Variants in NCAPD3 observed in about 807,000 individuals in gnomAD.
The protein encoded by NCAPD3 is condensin-2 complex subunit D3.
A neutral mutation model predicts 182.9 loss-of-function variants in NCAPD3; 105 were observed. The observed-to-expected ratio is 0.57, with a 90% CI of 0.49 to 0.68. The LOEUF (loss-of-function observed/expected upper bound fraction) is 0.68, where lower values mean the gene tolerates loss of function less well. NCAPD3 is among the 30% of genes least tolerant of loss of function. The pLI is 0.00. For missense variants in NCAPD3, 1,944 were observed against 1,837.0 expected (o/e 1.06, Z -1.07); for synonymous variants, 815 against 679.9 (o/e 1.20, Z -3.09).
intron 14 of NCAPD3, 62 bp downstream of exon 14, chr11:134,194,603 A>T: frequency 8.3e-7 from 1 of 1,211,126 alleles, no homozygotes; most frequent in Non-Finnish European, 1.2e-6. Context: ...TTTAAAAAAT[A>T]TTCCTTTGCA....
intron 19 of NCAPD3, among the ~76,000 whole-genome samples, chr11:134,183,333 C>T (rs1487566017): frequency 6.6e-6 from 1 of 152,320 alleles, no homozygotes; most frequent in East Asian, 1.9e-4. Flanking sequence ...CTTTGGGAGG[C>T]TGAAGCAGGC....
chr11:134,159,812 G>A lies in NCAPD3; in HGVS notation c.3867+80C>T, dbSNP rs1055144554. On this transcript the variant is annotated intron_variant, in intron 29 of 34. Transcript: ENST00000534548. ...TAACCTCTGATGACGGAGATCTTGA[G>A]AGGTGCCAGACAAACGACAGACTGG... 7.7e-6 allele frequency: 11 copies of A among 1,428,594 alleles called. No individual in the cohort carries two copies. In the Admixed American group the frequency reaches 2.2e-4, roughly 28 times the overall value. 88.5% of individuals were successfully genotyped at this position (1,428,594 alleles called of 1,614,324 possible). A position where few individuals can be genotyped will look rare whatever the true frequency, so the allele number is the denominator to read the frequency against.
Position 134,159,912 on chromosome 11 carries a change from C to G in NCAPD3, c.3847G>C (p.Glu1283Gln), listed in dbSNP as rs563104931. The G allele has an allele frequency of 1.9e-6, 3 of 1,613,206 alleles. No individual in the cohort carries two copies. In the South Asian group the frequency reaches 3.3e-5, roughly 18 times the overall value. ...CCTACCTGTGCCACAGGTGCCACCT[C>G]AGCACCTCCAGCCGTCCCGGCCACA... is the stretch of plus-strand genomic sequence containing the variant. Reference protein sequence around the residue: ...ADVAGTAGGAEVAPVAQVALC... With the variant: ...ADVAGTAGGAQVAPVAQVALC... Residue 1283 changes from glutamate (E) to glutamine (Q), a missense_variant, in exon 29 of 35, where the codon GAG becomes CAG. Coordinates refer to ENST00000534548, the MANE Select transcript of NCAPD3 (RefSeq NM_015261.3).
At chr11:134,224,217 C>G, upstream of NCAPD3, 1 of 536,162 alleles carries the variant, frequency 1.9e-6, no homozygotes, top group Non-Finnish European at 3.3e-6. Context: ...TTTTTCCCGC[C>G]TCGTTTTTCT....
chr11:134,152,718 G>T lies in NCAPD3; in HGVS notation c.*226C>A, dbSNP rs1943287088. 2.2e-6 allele frequency: 1 copy of T among 450,638 alleles called. No homozygotes were observed. The allele number at this position is 450,638 out of a possible 1,614,324, so 27.9% of individuals were successfully genotyped here. ...AAGTTACAATATTAAACAGATTAGG[G>T]TAAGAAAATCTAAATCTGGCACATC... On this transcript the variant is annotated 3_prime_UTR_variant, in exon 35 of 35. Coordinates refer to ENST00000534548, the MANE Select transcript of NCAPD3 (RefSeq NM_015261.3).
At chr11:134,178,539 C>A in intron 22 of NCAPD3, 95 bp downstream of exon 22, 1 of 964,766 alleles carries the variant, frequency 1.0e-6, no homozygotes, top group South Asian at 2.0e-5. Flanking sequence ...CAGACAGGCT[C>A]CGCAGCCCCT....
In NCAPD3 at chr11:134,178,651, T is replaced by C. The variant is rs1223821347; in HGVS notation, c.2765A>G (p.His922Arg). Reference protein sequence around the residue: ...GSVMPSVIRAHAIITLGKLCL... With the variant: ...GSVMPSVIRARAIITLGKLCL... ...TTTCTTACCTAAGGTAATGATGGCATGTGCTCTAATCACAGAGGGCATGAC... is the reference window on the plus strand; with the variant it reads ...TTTCTTACCTAAGGTAATGATGGCACGTGCTCTAATCACAGAGGGCATGAC... Residue 922 changes from histidine to arginine, a missense_variant, in exon 22 of 35, where the codon CAT becomes CGT. His to Arg is a conservative substitution (Grantham distance 29). Around this residue, in one of 3 missense-constraint regions of NCAPD3, gnomAD observed 1,803 missense variants for 1,674.6 expected, o/e 1.08. Coordinates refer to ENST00000534548, the MANE Select transcript of NCAPD3 (RefSeq NM_015261.3). The C allele has an allele frequency of 1.3e-6, 2 of 1,564,226 alleles. No individual in the cohort carries two copies. The highest frequency in any genetic ancestry group is 1.7e-6 in the Non-Finnish European group (2 of 1,153,860).
At chr11:134,199,365 G>T (rs1024974588) in intron 13 of NCAPD3, among the ~76,000 whole-genome samples, 2 of 151,936 alleles carry the variant, frequency 1.3e-5, no homozygotes, top group African/African-American at 4.8e-5. Context: ...CTTTACACAC[G>T]GGGTCTCTGG....
chr11:134,174,382 CAA>C lies in NCAPD3; in HGVS notation c.3101+1923_3101+1924del, dbSNP rs34533048. Among the ~76,000 whole-genome samples, 102 of 53,606 alleles carry C rather than the reference CAA, an allele frequency of 1.9e-3. 1 individual carries two copies. The highest frequency in any genetic ancestry group is 0.021 in the Middle Eastern group (1 of 48). The allele number at this position is 53,606 out of a possible 152,430, so 35.2% of individuals were successfully genotyped here. A position where few individuals can be genotyped will look rare whatever the true frequency, so the allele number is the denominator to read the frequency against. Reference sequence around the variant, plus strand: ...TGAGCAACAGAATGAGACCCTGTCTCAAAAAAAAAAAAAAAAAAAAAAAAGCA... The same window carrying C: ...TGAGCAACAGAATGAGACCCTGTCTCAAAAAAAAAAAAAAAAAAAAAAGCA... On this transcript the variant is annotated intron_variant, in intron 24 of 34. Coordinates refer to ENST00000534548, the MANE Select transcript of NCAPD3 (RefSeq NM_015261.3).
At chr11:134,211,854 A>G (rs2136022636) in intron 3 of NCAPD3, among the ~76,000 whole-genome samples, 1 of 152,308 alleles carries the variant, frequency 6.6e-6, no homozygotes, top group Middle Eastern at 3.4e-3. Flanking sequence ...ATAAAGACTC[A>G]GTGACCCATG....
chr11:134,224,150 G>C, upstream of NCAPD3: 1 of 605,004 alleles, frequency 1.7e-6, no homozygotes, highest in Non-Finnish European at 2.9e-6. Flanking sequence ...GGCTCCTGCG[G>C]GTGTTCCGCT....
intron 20 of NCAPD3, among the ~76,000 whole-genome samples, chr11:134,179,166 T>A (rs1048836284): frequency 6.6e-6 from 1 of 152,168 alleles, no homozygotes; most frequent in African/African-American, 2.4e-5. Flanking sequence ...TCTAGACACA[T>A]CTGCAAGTAA....
intron 27 of NCAPD3, among the ~76,000 whole-genome samples, chr11:134,166,760 CGTG>C (rs1943823632): frequency 1.0e-5 from 1 of 97,116 alleles, no homozygotes; most frequent in African/African-American, 4.4e-5. Flanking sequence ...GGCGCACACT[CGTG>C]AGATGAGCTT....
chr11:134,186,611 TGAA>T (rs1011879768), intron 16 of NCAPD3, among the ~76,000 whole-genome samples: 3 of 152,232 alleles, frequency 2.0e-5, no homozygotes, highest in African/African-American at 7.2e-5. Flanking sequence ...TATATTTAAA[TGAA>T]GAGAAAAATA....
intron 1 of NCAPD3, among the ~76,000 whole-genome samples, chr11:134,222,095 A>G (rs536407933): frequency 1.3e-5 from 2 of 152,334 alleles, no homozygotes; most frequent in African/African-American, 4.8e-5. Context: ...GTTATCTACC[A>G]TTTGGTCACA....
At chr11:134,154,438 T>G (rs1183932619) in intron 32 of NCAPD3, among the ~76,000 whole-genome samples, 1 of 150,412 alleles carries the variant, frequency 6.6e-6, no homozygotes, top group African/African-American at 2.4e-5. Context: ...CTGCGTCCTC[T>G]TCCTCAGCAG....
chr11:134,170,493 G>C (rs962259646), intron 24 of NCAPD3, among the ~76,000 whole-genome samples: 1 of 152,218 alleles, frequency 6.6e-6, no homozygotes, highest in Non-Finnish European at 1.5e-5. Context: ...TTTTATTATA[G>C]TTAATCTACT....
intron 12 of NCAPD3, 112 bp downstream of exon 12, chr11:134,203,030 A>T (rs1177580383): frequency 8.5e-7 from 1 of 1,177,072 alleles, no homozygotes; most frequent in Non-Finnish European, 1.2e-6. Context: ...TCTCTCATGA[A>T]AAAAGTACAA....
rs565865289 is a variant in NCAPD3, at chr11:134,185,844, G to A, written c.2046-318C>T. On this transcript the variant is annotated intron_variant, in intron 16 of 34. Coordinates refer to ENST00000534548, the MANE Select transcript of NCAPD3 (RefSeq NM_015261.3). ...CCAAAATTTCTACATAACTGCATGG[G>A]GTCAGTTACAGATACATCCAGAGCT... The A allele has an allele frequency of 1.2e-4, 23 of 189,770 alleles. No homozygotes were observed. In the South Asian group the frequency reaches 3.0e-3, roughly 24 times the overall value. 11.8% of individuals were successfully genotyped at this position (189,770 alleles called of 1,614,324 possible). A position where few individuals can be genotyped will look rare whatever the true frequency, so the allele number is the denominator to read the frequency against.
Sources: allele counts gnomAD v4.1 joint callset (sites outside exome capture counted in the v4.1 genomes callset), GRCh38; gene constraint gnomAD v4.1.1; regional missense constraint gnomAD v4.1.1; transcripts MANE v1.5; gene names NCBI Gene and HGNC (gene_info 2026-07-23, HGNC 2026-07-21).